The following FIGN variants were observed in gnomAD, a reference collection of about 807,000 sequenced individuals.
FIGN encodes the protein fidgetin.
A neutral mutation model predicts 51.3 loss-of-function variants in FIGN; 11 were observed. The observed-to-expected ratio is 0.21, with a 90% CI of 0.13 to 0.35. The LOEUF is 0.35. Among genes scored for constraint, FIGN ranks in the 10% least tolerant of loss-of-function variants. The pLI is 1.00. For synonymous variants in FIGN, 407 were observed against 363.2 expected (o/e 1.12, Z -1.37); for missense variants, 857 against 943.6 (o/e 0.91, Z 1.20).
intron 2 of FIGN, among the ~76,000 whole-genome samples, chr2:163,720,909 G>T (rs993599062): frequency 6.6e-6 from 1 of 152,068 alleles, no homozygotes; most frequent in East Asian, 1.9e-4. Context: ...TTCAAGAATT[G>T]CTGTGTCTAG....
chr2:163,616,716 T>C (rs925560645), intron 2 of FIGN, among the ~76,000 whole-genome samples: 1 of 152,166 alleles, frequency 6.6e-6, no homozygotes, highest in African/African-American at 2.4e-5. Context: ...AAAAAATTAA[T>C]ATAATATTAG....
intron 2 of FIGN, among the ~76,000 whole-genome samples, chr2:163,668,482 G>A (rs990690781): frequency 5.2e-4 from 79 of 152,316 alleles, no homozygotes; most frequent in Non-Finnish European, 8.7e-4. Flanking sequence ...ACAGTGAGTG[G>A]TGAGCTGGAT....
chr2:163,704,625 T>TCTCTC (rs1684465863), intron 2 of FIGN, among the ~76,000 whole-genome samples: 8 of 36,406 alleles, frequency 2.2e-4, no homozygotes, highest in African/African-American at 4.4e-4. Flanking sequence ...GTCTCTCTCT[T>TCTCTC]TCTCTCTCTC....
intron 2 of FIGN, among the ~76,000 whole-genome samples, chr2:163,721,617 T>G (rs1684757953): frequency 6.6e-6 from 1 of 152,226 alleles, no homozygotes; most frequent in South Asian, 2.1e-4. Context: ...TATAGCTCAC[T>G]AAATGGCACA....
intron 2 of FIGN, among the ~76,000 whole-genome samples, chr2:163,730,905 A>G (rs1187425528): frequency 1.3e-5 from 2 of 152,194 alleles, no homozygotes; most frequent in African/African-American, 4.8e-5. Context: ...GTACTTTATA[A>G]AGAGTAGTAT....
rs757711551 is a variant in FIGN at position 163,609,620 on chromosome 2, G to A, written c.2212C>T (p.Pro738Ser). 1.9e-6 allele frequency: 3 copies of A among 1,614,050 alleles called. No homozygotes were observed. The highest frequency in any genetic ancestry group is 2.5e-6 in the Non-Finnish European group (3 of 1,180,020). The change falls in exon 3 of 3, where the codon CCT becomes TCT. Residue 738 changes from proline to serine, a missense_variant. Pro to Ser is a moderately conservative substitution (Grantham distance 74, BLOSUM62 -1). Around this residue, in one of 3 missense-constraint regions of FIGN, gnomAD observed 799 missense variants for 849.5 expected, o/e 0.94. Coordinates refer to ENST00000333129, the MANE Select transcript of FIGN (RefSeq NM_018086.4). ...TCAAGCTCCTTTTGAGATATGCTAG[G>A]CTGAATCTTGCAGAAAGCATTTTCA... ...DFENAFCKIQ[P>S]SISQKELDMY...
In FIGN at chr2:163,676,501, C is replaced by G. The variant is rs13015758; in HGVS notation, c.25+58402G>C. 1.2e-3 allele frequency among the ~76,000 whole-genome samples: 154 copies of G among 125,230 alleles called. 2 individuals are homozygous for G. Among genetic ancestry groups the G allele is most frequent in the Non-Finnish European group, 1.7e-3 (105 of 61,042 alleles). 82.2% of individuals were successfully genotyped at this position (125,230 alleles called of 152,430 possible). A position where few individuals can be genotyped will look rare whatever the true frequency, so the allele number is the denominator to read the frequency against. On this transcript the variant is annotated intron_variant, in intron 2 of 2. Coordinates refer to ENST00000333129, the MANE Select transcript of FIGN (RefSeq NM_018086.4). ...TATATATAACTAGAGTCTGTGCACC[C>G]GAATCTGAGAAACATAGTTTTATAC...
chr2:163,712,726 G>A (rs1684605396), intron 2 of FIGN, among the ~76,000 whole-genome samples: 1 of 151,950 alleles, frequency 6.6e-6, no homozygotes, highest in African/African-American at 2.4e-5. Flanking sequence ...TGCCAACATG[G>A]AAAGAATTCA....
chr2:163,645,365 G>C (rs1412855717), intron 2 of FIGN, among the ~76,000 whole-genome samples: 1 of 152,152 alleles, frequency 6.6e-6, no homozygotes, highest in African/African-American at 2.4e-5. Context: ...CCTTTGGGTA[G>C]AATGGGGGAA....
chr2:163,631,374 C>T (rs191533687), intron 2 of FIGN, among the ~76,000 whole-genome samples: 3 of 152,242 alleles, frequency 2.0e-5, no homozygotes, highest in Admixed American at 1.3e-4. Flanking sequence ...CTTTGTTCTC[C>T]AAGTTTATCA....
intron 2 of FIGN, among the ~76,000 whole-genome samples, chr2:163,730,046 G>A (rs1239634907): frequency 2.0e-5 from 3 of 152,166 alleles, no homozygotes; most frequent in African/African-American, 7.2e-5. Context: ...GTTGTCAACA[G>A]GTACTTACGG....
At chr2:163,658,842 G>A (rs1382040325) in intron 2 of FIGN, among the ~76,000 whole-genome samples, 4 of 152,190 alleles carry the variant, frequency 2.6e-5, no homozygotes, top group African/African-American at 4.8e-5. Flanking sequence ...CACAGTGCTT[G>A]TCTTCAGATA....
rs1271480117 is a variant in FIGN, at chr2:163,604,628, A to G, written c.*4924T>C. 1 of 152,118 alleles carries G rather than the reference A, an allele frequency of 6.6e-6. No homozygotes were observed. Among genetic ancestry groups the G allele is most frequent in the Non-Finnish European group, 1.5e-5 (1 of 68,010 alleles). 9.4% of individuals were successfully genotyped at this position (152,118 alleles called of 1,614,324 possible). ...CAAAAAAAGACAACAAATAAATACT[A>G]CATGTACAATATGTAGCAATGAGGT... is the stretch of plus-strand genomic sequence containing the variant. On this transcript the variant is annotated 3_prime_UTR_variant, in exon 3 of 3. Coordinates refer to ENST00000333129, the MANE Select transcript of FIGN (RefSeq NM_018086.4).
At chr2:163,677,399 T>C (rs557722255) in intron 2 of FIGN, among the ~76,000 whole-genome samples, 6 of 152,314 alleles carry the variant, frequency 3.9e-5, no homozygotes, top group Admixed American at 1.3e-4. Flanking sequence ...ATGGTGTAAA[T>C]GGTCTGTCTA....
At chr2:163,651,357 T>C (rs529592586) in intron 2 of FIGN, among the ~76,000 whole-genome samples, 1 of 152,052 alleles carries the variant, frequency 6.6e-6, no homozygotes, top group Admixed American at 6.6e-5. Flanking sequence ...AGCTACTCGG[T>C]AGGCTGAGGC....
At chr2:163,686,739 T>C (rs189670299) in intron 2 of FIGN, among the ~76,000 whole-genome samples, 1 of 150,310 alleles carries the variant, frequency 6.7e-6, no homozygotes, top group African/African-American at 2.4e-5. Context: ...ATCATATACC[T>C]GTGTTTATGT....
At chr2:163,643,712 G>A (rs1436366902) in intron 2 of FIGN, among the ~76,000 whole-genome samples, 7 of 150,866 alleles carry the variant, frequency 4.6e-5, no homozygotes, top group African/African-American at 1.7e-4. Context: ...CTAGAACTTC[G>A]GGAGGCTGAG....
intron 2 of FIGN, among the ~76,000 whole-genome samples, chr2:163,621,967 T>C (rs1339413532): frequency 6.6e-6 from 1 of 152,124 alleles, no homozygotes; most frequent in Non-Finnish European, 1.5e-5. Context: ...ACTGTTATGA[T>C]GCAAAATGCC....
intron 2 of FIGN, among the ~76,000 whole-genome samples, chr2:163,721,694 A>G (rs1266479564): frequency 6.6e-6 from 1 of 152,218 alleles, no homozygotes; most frequent in South Asian, 2.1e-4. Flanking sequence ...AGTGTATGAC[A>G]TCAACCTAGA....
Sources: gnomAD v4.1 joint callset for allele counts (sites outside exome capture counted in the v4.1 genomes callset) on GRCh38, gnomAD v4.1.1 for gene constraint, gnomAD v4.1.1 regional missense constraint, MANE v1.5 for transcripts, NCBI Gene and HGNC (gene_info 2026-07-23, HGNC 2026-07-21) for gene names.